APAF1: variants seen among roughly 807,000 people sequenced by gnomAD.
APAF1 encodes the protein apoptotic peptidase activating factor 1.
APAF1 carries 91 observed loss-of-function variants against 152.4 expected under a neutral mutation model. The observed-to-expected ratio is 0.60, with a 90% confidence interval of 0.50 to 0.71. APAF1 has a LOEUF of 0.71. APAF1 is among the 30% of genes least tolerant of loss of function. The pLI is 0.00. For synonymous variants in APAF1, 484 were observed against 494.1 expected, an observed-to-expected ratio of 0.98 and a Z score of 0.27; for missense variants, 1,283 against 1,472.0, an observed-to-expected ratio of 0.87 and a Z score of 2.10.
chr12:98,679,884 G>A (rs953035876), intron 13 of APAF1, among the ~76,000 whole-genome samples: 3 of 152,254 alleles, frequency 2.0e-5, no homozygotes, highest in African/African-American at 4.8e-5. Flanking sequence ...GCTGTTCCAC[G>A]CCTGACTCGC....
Position 98,648,692 on chromosome 12 carries a change from G to T in APAF1, c.205G>T (p.Val69Leu), listed in dbSNP as rs745962333. The T allele has an allele frequency of 6.2e-7, 1 of 1,613,708 alleles. No homozygotes were observed. The highest frequency in any genetic ancestry group is 1.1e-5 in the South Asian group (1 of 91,076). ...MILKKDNDSY[V>L]SFYNALLHEG... ...ACTTAAAAAAGATAATGATTCCTAC[G>T]TATCATTCTACAATGCTCTACTACA... The change falls in exon 3 of 27, where the codon GTA becomes TTA. Residue 69 changes from valine (V) to leucine (L), a missense_variant. Coordinates refer to ENST00000551964, the MANE Select transcript of APAF1 (RefSeq NM_181861.2).
In APAF1 at chr12:98,667,648, A is replaced by G; in HGVS notation, c.1494+4A>G. On this transcript the variant is annotated splice_donor_region_variant and intron_variant, in intron 10 of 26. Coordinates refer to ENST00000551964, the MANE Select transcript of APAF1 (RefSeq NM_181861.2). Reference sequence around the variant, plus strand: ...GGCCAGTGCCAAGATGCACAAGGTAAGATGACCCATTTAAAAATTCTTTTA... The same window carrying G: ...GGCCAGTGCCAAGATGCACAAGGTAGGATGACCCATTTAAAAATTCTTTTA... The G allele has an allele frequency of 6.2e-7, 1 of 1,613,238 alleles. No individual in the cohort carries two copies. The highest frequency in any genetic ancestry group is 8.5e-7 in the Non-Finnish European group (1 of 1,179,980).
rs1028315702 is a variant in APAF1, at chr12:98,667,412, G to C, written c.1363-101G>C. 1.9e-5 allele frequency: 27 copies of C among 1,458,096 alleles called. No homozygotes were observed. In the East Asian group the frequency reaches 6.2e-4, roughly 33 times the overall value. The allele number at this position is 1,458,096 out of a possible 1,614,324, so 90.3% of individuals were successfully genotyped here. ...ATTACAGGCGTGAGCCACCGAGCCC[G>C]GCCTCTCTGTACATTCTTAATAGCT... On this transcript the variant is annotated intron_variant, in intron 9 of 26. Coordinates refer to ENST00000551964, the MANE Select transcript of APAF1 (RefSeq NM_181861.2).
intron 18 of APAF1, among the ~76,000 whole-genome samples, chr12:98,704,643 C>T (rs2097719423): frequency 6.6e-6 from 1 of 152,160 alleles, no homozygotes; most frequent in Non-Finnish European, 1.5e-5. Context: ...AAGAACTTCC[C>T]TACTGAGACT....
chr12:98,734,184 C>A lies in APAF1; in HGVS notation c.*1618C>A, dbSNP rs1299218698. ...AGTCACTGTAACTCTAGAAGATTAACCTTCCAGCCAACCTATTTTCCTTTC... is the reference window on the plus strand; with the variant it reads ...AGTCACTGTAACTCTAGAAGATTAAACTTCCAGCCAACCTATTTTCCTTTC... On this transcript the variant is annotated 3_prime_UTR_variant, in exon 27 of 27. Transcript: ENST00000551964. 3.3e-5 allele frequency: 5 copies of A among 152,306 alleles called. No homozygotes were observed. The South Asian group carries it at 8.3e-4, about 25-fold the overall frequency. 9.4% of individuals were successfully genotyped at this position (152,306 alleles called of 1,614,324 possible).
intron 7 of APAF1, among the ~76,000 whole-genome samples, chr12:98,664,940 A>G (rs1291754131): frequency 1.3e-5 from 2 of 152,066 alleles, no homozygotes; most frequent in Admixed American, 6.6e-5. Flanking sequence ...AATTTATTCA[A>G]CCACTTCTGT....
intron 26 of APAF1, among the ~76,000 whole-genome samples, chr12:98,730,734 A>G (rs1391670358): frequency 6.6e-6 from 1 of 152,200 alleles, no homozygotes; most frequent in Non-Finnish European, 1.5e-5. Flanking sequence ...TAAAAGTAAA[A>G]AGGAACAGCT....
chr12:98,656,376 C>A (rs56947674), intron 4 of APAF1, among the ~76,000 whole-genome samples: 1 of 152,132 alleles, frequency 6.6e-6, no homozygotes, highest in Non-Finnish European at 1.5e-5. Context: ...TGCAAACTTA[C>A]ACTGAAGGAG....
chr12:98,677,436 A>G lies in APAF1; in HGVS notation c.1805A>G (p.Asn602Ser). The part of the protein sequence containing the change: ...MLYLEWINKK[N>S]ITNLSRLVVR... ...TTCCCTGTATTTAGAAACAAAAAAA[A>G]CATCACGAATCTTTCCCGCTTAGTT... Residue 602 changes from asparagine (N) to serine (S), a missense_variant, in exon 13 of 27, where the codon AAC (asparagine) becomes AGC (serine). Coordinates refer to ENST00000551964, the MANE Select transcript of APAF1 (RefSeq NM_181861.2). 6.2e-7 allele frequency: 1 copy of G among 1,614,150 alleles called. No homozygotes were observed.
chr12:98,724,883 C>A (rs1392992710), intron 24 of APAF1, among the ~76,000 whole-genome samples: 3 of 146,342 alleles, frequency 2.0e-5, no homozygotes, highest in Admixed American at 6.7e-5. Flanking sequence ...AACCATGAGA[C>A]AATATTGAAA....
rs1176727733 is a variant in APAF1, at chr12:98,723,229, C to CG, written c.3122dup (p.Gly1042ArgfsTer10). The CG allele has an allele frequency of 1.2e-6, 2 of 1,613,172 alleles. No individual in the cohort carries two copies. The highest frequency in any genetic ancestry group is 2.7e-5 in the African/African-American group (2 of 74,856). Reference sequence around the variant, plus strand: ...GCAATTGGACAAATGTATCTTTCTACGAGGCCATCAGGAAACAGTGAAAGA... The same window carrying CG: ...GCAATTGGACAAATGTATCTTTCTACGGAGGCCATCAGGAAACAGTGAAAGA... On this transcript the variant is annotated frameshift_variant, in exon 23 of 27. Transcript: ENST00000551964. LOFTEE classifies it high-confidence loss of function.
chr12:98,723,845 C>A, intron 24 of APAF1, 81 bp downstream of exon 24: 1 of 1,419,282 alleles, frequency 7.0e-7, no homozygotes, highest in Non-Finnish European at 9.9e-7. Context: ...TGCAAAAGGA[C>A]ATAACAGTTG....
At chr12:98,719,386 T>G (rs567037482) in intron 22 of APAF1, among the ~76,000 whole-genome samples, 1 of 152,140 alleles carries the variant, frequency 6.6e-6, no homozygotes, top group Non-Finnish European at 1.5e-5. Flanking sequence ...AGTCTTGCTC[T>G]GTTGCCAGGC....
At chr12:98,665,278 A>ATATATATATTT (rs1491316422) in intron 7 of APAF1, among the ~76,000 whole-genome samples, 15 of 65,990 alleles carry the variant, frequency 2.3e-4, no homozygotes, top group African/African-American at 8.5e-4. Flanking sequence ...ATATATATAT[A>ATATATATATTT]TTTTTTTTTT....
intron 4 of APAF1, among the ~76,000 whole-genome samples, chr12:98,651,276 T>C (rs1490624673): frequency 6.6e-6 from 1 of 152,230 alleles, no homozygotes; most frequent in Admixed American, 6.5e-5. Flanking sequence ...TTTCCTATTC[T>C]TATTTCCTTT....
chr12:98,680,653 T>A (rs2097691291), intron 14 of APAF1, among the ~76,000 whole-genome samples: 1 of 152,184 alleles, frequency 6.6e-6, no homozygotes, highest in Non-Finnish European at 1.5e-5. Flanking sequence ...TGGGCTCAAG[T>A]GATCCTCCTG....
At chr12:98,697,169 T>G (rs1269740931) in intron 16 of APAF1, among the ~76,000 whole-genome samples, 1 of 152,192 alleles carries the variant, frequency 6.6e-6, no homozygotes, top group Non-Finnish European at 1.5e-5. Context: ...TTTTTGATGT[T>G]GAAATTCTCT....
chr12:98,649,457 C>T (rs767691718), intron 3 of APAF1, 30 bp from the exon 4 acceptor site: 1 of 1,604,320 alleles, frequency 6.2e-7, no homozygotes, highest in South Asian at 1.1e-5. Context: ...AAGTTCTATT[C>T]ATTCATGCTT....
intron 26 of APAF1, among the ~76,000 whole-genome samples, chr12:98,730,715 A>G (rs1343138300): frequency 6.6e-6 from 1 of 152,226 alleles, no homozygotes; most frequent in Non-Finnish European, 1.5e-5. Flanking sequence ...CCAAAAGCAC[A>G]GAGCAAATTA....
Sources: allele counts gnomAD v4.1 joint callset (sites outside exome capture counted in the v4.1 genomes callset), GRCh38; gene constraint gnomAD v4.1.1; transcripts MANE v1.5; gene names NCBI Gene and HGNC (gene_info 2026-07-23, HGNC 2026-07-21).